The following ZNF585A variants were observed in gnomAD, a reference collection of about 807,000 sequenced individuals.
ZNF585A encodes the protein zinc finger protein 585A.
Under a neutral mutation model 14.9 loss-of-function variants are expected in ZNF585A, and 9 were observed. The observed-to-expected ratio is 0.60, with a 90% CI of 0.36 to 1.05. The LOEUF (loss-of-function observed/expected upper bound fraction) is 1.05. ZNF585A is among the 50% of genes least tolerant of loss of function. The pLI is 0.01. For missense variants in ZNF585A, 726 were observed against 926.4 expected, an observed-to-expected ratio of 0.78 and a Z score of 2.81; for synonymous variants, 276 against 319.9, an observed-to-expected ratio of 0.86 and a Z score of 1.46.
intron 2 of ZNF585A, among the ~76,000 whole-genome samples, chr19:37,162,942 T>C (rs1158168316): frequency 6.6e-6 from 1 of 152,070 alleles, no homozygotes; most frequent in Non-Finnish European, 1.5e-5. Context: ...AGTTAACCTA[T>C]ATAACAAACC....
chr19:37,157,144 A>C (rs1346016058), intron 2 of ZNF585A, among the ~76,000 whole-genome samples: 2 of 152,248 alleles, frequency 1.3e-5, no homozygotes, highest in Non-Finnish European at 2.9e-5. Flanking sequence ...GAAATTTCGA[A>C]GAAACATTTT....
At chr19:37,167,671 G>A (rs1418384627) in intron 2 of ZNF585A, among the ~76,000 whole-genome samples, 1 of 150,894 alleles carries the variant, frequency 6.6e-6, no homozygotes. Flanking sequence ...GCCCAGCCTG[G>A]AGTACAATGG....
intron 2 of ZNF585A, among the ~76,000 whole-genome samples, chr19:37,167,161 T>A (rs1189471776): frequency 6.6e-6 from 1 of 151,784 alleles, no homozygotes; most frequent in Non-Finnish European, 1.5e-5. Flanking sequence ...AATGCACTAC[T>A]TTATCCAAAT....
In ZNF585A at chr19:37,146,069, A is replaced by T. The variant is rs1291615394; in HGVS notation, c.*5520T>A. The stretch of plus-strand genomic sequence containing the variant: ...GAATGTGGAGTAGAGTGTGGTGGGG[A>T]GGTGTAGGATATACCATAAATAGTC... On this transcript the variant is annotated 3_prime_UTR_variant, in exon 5 of 5. Transcript: ENST00000292841. 6.6e-6 allele frequency: 1 copy of T among 152,040 alleles called. No homozygotes were observed. Among genetic ancestry groups the T allele is most frequent in the African/African-American group, 2.4e-5 (1 of 41,394 alleles). 9.4% of individuals were successfully genotyped at this position (152,040 alleles called of 1,614,324 possible). A position where few individuals can be genotyped will look rare whatever the true frequency, so the allele number is the denominator to read the frequency against.
At chr19:37,157,028 G>A (rs182237752) in intron 2 of ZNF585A, among the ~76,000 whole-genome samples, 145 of 152,264 alleles carry the variant, frequency 9.5e-4, no homozygotes, top group African/African-American at 3.4e-3. Flanking sequence ...GAACTAGGGT[G>A]TAAAACGTAT....
intron 4 of ZNF585A, among the ~76,000 whole-genome samples, chr19:37,153,915 C>T (rs938423682): frequency 6.6e-6 from 1 of 152,252 alleles, no homozygotes; most frequent in Non-Finnish European, 1.5e-5. Flanking sequence ...CAATCTGTCA[C>T]AATTATTCTA....
chr19:37,169,750 C>A, intron 2 of ZNF585A, 89 bp downstream of exon 2: 2 of 1,515,984 alleles, frequency 1.3e-6, no homozygotes, highest in South Asian at 1.2e-5. Context: ...TGGCCCAGCT[C>A]CCTCCCTCAG....
chr19:37,156,198 T>C, intron 3 of ZNF585A, 31 bp downstream of exon 3: 1 of 1,608,918 alleles, frequency 6.2e-7, no homozygotes, highest in Non-Finnish European at 8.5e-7. Flanking sequence ...CAGTGAGGCC[T>C]CCTTTCAGAT....
intron 4 of ZNF585A, among the ~76,000 whole-genome samples, chr19:37,155,013 T>C (rs1971902265): frequency 6.8e-6 from 1 of 147,734 alleles, no homozygotes; most frequent in African/African-American, 2.5e-5. Context: ...TTTTTTTTTT[T>C]TTTTTGAGAC....
chr19:37,156,503 G>A (rs1971933844), intron 2 of ZNF585A, 148 bp from the exon 3 acceptor site: 1 of 1,141,112 alleles, frequency 8.8e-7, no homozygotes, highest in South Asian at 2.0e-5. Flanking sequence ...ACTTTATTAT[G>A]AAAATTTTCA....
At chr19:37,158,899 A>T (rs1357062450) in intron 2 of ZNF585A, among the ~76,000 whole-genome samples, 1 of 152,088 alleles carries the variant, frequency 6.6e-6, no homozygotes, top group Non-Finnish European at 1.5e-5. Context: ...GGTGTTTGAG[A>T]TTTGCTTTAA....
At chr19:37,155,201 C>T (rs1006822491) in intron 4 of ZNF585A, among the ~76,000 whole-genome samples, 11 of 151,730 alleles carry the variant, frequency 7.2e-5, no homozygotes, top group Middle Eastern at 3.4e-3. Flanking sequence ...GGGGTTTCAC[C>T]GTGGTCCCGA....
chr19:37,164,108 A>G (rs1312264921), intron 2 of ZNF585A, among the ~76,000 whole-genome samples: 1 of 152,192 alleles, frequency 6.6e-6, no homozygotes, highest in Non-Finnish European at 1.5e-5. Flanking sequence ...CATAACATCA[A>G]AATTTATAAA....
intron 2 of ZNF585A, among the ~76,000 whole-genome samples, chr19:37,167,197 T>A (rs539642510): frequency 6.6e-6 from 1 of 152,128 alleles, no homozygotes; most frequent in South Asian, 2.1e-4. Context: ...GTTTTTGACA[T>A]GGAGTCTCAC....
intron 1 of ZNF585A, among the ~76,000 whole-genome samples, chr19:37,171,622 C>G (rs966856219): frequency 1.3e-5 from 2 of 152,102 alleles, no homozygotes; most frequent in Admixed American, 1.3e-4. Flanking sequence ...GCACATATGC[C>G]GGGCGCAGTG....
intron 1 of ZNF585A, among the ~76,000 whole-genome samples, chr19:37,171,602 T>C (rs1247668767): frequency 6.6e-6 from 1 of 152,154 alleles, no homozygotes; most frequent in Non-Finnish European, 1.5e-5. Context: ...ATCTATAAAG[T>C]ATTAAAAATG....
rs1971782753 is a variant in ZNF585A at position 37,149,095 on chromosome 19, G to C, written c.*2494C>G. 6.6e-6 allele frequency: 1 copy of C among 152,154 alleles called. No individual in the cohort carries two copies. Among genetic ancestry groups the C allele is most frequent in the African/African-American group, 2.4e-5 (1 of 41,444 alleles). 9.4% of individuals were successfully genotyped at this position (152,154 alleles called of 1,614,324 possible). On this transcript the variant is annotated 3_prime_UTR_variant, in exon 5 of 5. Coordinates refer to ENST00000292841, the MANE Select transcript of ZNF585A (RefSeq NM_001288800.2). Reference sequence around the variant, plus strand: ...CATGATCCACTTGCTCCAACAAGCAGAAAGTACAAGACACATTCTATGGTG... The same window carrying C: ...CATGATCCACTTGCTCCAACAAGCACAAAGTACAAGACACATTCTATGGTG...
At position 37,169,918 on chromosome 19, in the gene ZNF585A, C is replaced by G; in HGVS notation, c.-8G>C. 1 of 1,612,170 alleles carries G rather than the reference C, an allele frequency of 6.2e-7. No homozygotes were observed. The highest frequency in any genetic ancestry group is 1.3e-5 in the African/African-American group (1 of 75,050). ...GGTCCAATTAGCTGGCATGGCCACA[C>G]TGGGTCTCAACCCTTTTTCTGTAGG... On this transcript the variant is annotated 5_prime_UTR_variant, in exon 2 of 5. Transcript: ENST00000292841.
intron 2 of ZNF585A, 28 bp downstream of exon 2, chr19:37,169,811 C>T: frequency 6.2e-7 from 1 of 1,607,838 alleles, no homozygotes; most frequent in South Asian, 1.1e-5. Context: ...GATTGAATTC[C>T]CACCCCCCTG....
Sources: gnomAD v4.1 joint callset for allele counts (sites outside exome capture counted in the v4.1 genomes callset) on GRCh38, gnomAD v4.1.1 for gene constraint, MANE v1.5 for transcripts, NCBI Gene and HGNC (gene_info 2026-07-23, HGNC 2026-07-21) for gene names.